The following CCDC177 variants were observed in gnomAD, a reference collection of about 807,000 sequenced individuals.
The protein encoded by CCDC177 is coiled-coil domain-containing protein 177.
Under a neutral mutation model 7.3 loss-of-function variants are expected in CCDC177, and 2 were observed. The ratio of observed to expected loss-of-function variants is 0.28; its 90% confidence interval spans 0.11 to 0.87. The LOEUF is 0.87. Among genes scored for constraint, CCDC177 ranks in the 40% least tolerant of loss-of-function variants. The pLI is 0.61. For missense variants in CCDC177, 874 were observed against 970.5 expected (o/e 0.90, Z 1.32); for synonymous variants, 401 against 449.2 (o/e 0.89, Z 1.36).
chr14:69,572,577 T>C lies in CCDC177; in HGVS notation c.1046A>G (p.His349Arg), dbSNP rs1000253961. Residue 349 changes from histidine (H) to arginine (R), a missense_variant, in exon 2 of 2, where the codon CAC becomes CGC. Coordinates refer to ENST00000599174, the MANE Select transcript of CCDC177 (RefSeq NM_001271507.2). ...CTCCAGCAGCAGGAGCTCCTCCTGG[T>C]GCCGCGCCAGCATGAGCGCCGCGAT... ...RKIAALMLAR[H>R]QEELLLLEQR... 2.4e-6 allele frequency: 3 copies of C among 1,231,154 alleles called. No individual in the cohort carries two copies. The highest frequency in any genetic ancestry group is 3.0e-6 in the Non-Finnish European group (3 of 987,554). 76.3% of individuals were successfully genotyped at this position (1,231,154 alleles called of 1,614,324 possible). A position where few individuals can be genotyped will look rare whatever the true frequency, so the allele number is the denominator to read the frequency against.
In CCDC177 at chr14:69,572,607, C is replaced by G; in HGVS notation, c.1016G>C (p.Arg339Pro). ...CGCCAGCATGAGCGCCGCGATCTTCCGGTCACGCTCCGGCACCCCGCGCAG... is the reference window on the plus strand; with the variant it reads ...CGCCAGCATGAGCGCCGCGATCTTCGGGTCACGCTCCGGCACCCCGCGCAG... The part of the protein sequence containing the change: ...RGLRGVPERD[R>P]KIAALMLARH... The change falls in exon 2 of 2, where the codon CGG becomes CCG. Residue 339 changes from arginine to proline, a missense_variant. Physicochemically the swap from Arg to Pro is moderately radical, Grantham distance 103 (BLOSUM62 -2). Transcript: ENST00000599174. The G allele has an allele frequency of 4.1e-6, 5 of 1,231,256 alleles. No homozygotes were observed. The highest frequency in any genetic ancestry group is 5.1e-6 in the Non-Finnish European group (5 of 987,618). 76.3% of individuals were successfully genotyped at this position (1,231,256 alleles called of 1,614,324 possible). A position where few individuals can be genotyped will look rare whatever the true frequency, so the allele number is the denominator to read the frequency against.
In CCDC177 at chr14:69,570,127, A is replaced by G. The variant is rs1332459208; in HGVS notation, c.*1372T>C. On this transcript the variant is annotated 3_prime_UTR_variant, in exon 2 of 2. Transcript: ENST00000599174. ...CTGTCCACGAGGCACTGCCCTTTCC[A>G]ACACTAGGGAGCCATATTCCCAGAA... 1 of 152,830 alleles carries G rather than the reference A, an allele frequency of 6.5e-6. No homozygotes were observed. The highest frequency in any genetic ancestry group is 1.5e-5 in the Non-Finnish European group (1 of 68,524). 9.5% of individuals were successfully genotyped at this position (152,830 alleles called of 1,614,324 possible). A position where few individuals can be genotyped will look rare whatever the true frequency, so the allele number is the denominator to read the frequency against.
Position 69,572,896 on chromosome 14 carries a change from C to T in CCDC177, c.727G>A (p.Ala243Thr), listed in dbSNP as rs1004160214. 13 of 1,230,852 alleles carry T rather than the reference C, an allele frequency of 1.1e-5. No homozygotes were observed. The highest frequency in any genetic ancestry group is 7.8e-5 in the African/African-American group (5 of 64,400). 76.2% of individuals were successfully genotyped at this position (1,230,852 alleles called of 1,614,324 possible). A position where few individuals can be genotyped will look rare whatever the true frequency, so the allele number is the denominator to read the frequency against. The change falls in exon 2 of 2, where the codon GCC (alanine) becomes ACC (threonine). Residue 243 changes from alanine to threonine, a missense_variant. By Grantham distance (58) the Ala-to-Thr change is moderately conservative. Transcript: ENST00000599174. The part of the protein sequence containing the change: ...LDSLSRRREG[A>T]LSSESGASSS... ...GATGCGCCCGACTCGGAGCTGAGGG[C>T]GCCCTCACGCCGGCGGGACAGTGAG...
Position 69,572,980 on chromosome 14 carries a change from C to T in CCDC177, c.643G>A (p.Ala215Thr), listed in dbSNP as rs1595012785. 7.3e-6 allele frequency: 9 copies of T among 1,230,722 alleles called. No individual in the cohort carries two copies. Among genetic ancestry groups the T allele is most frequent in the African/African-American group, 6.2e-5 (4 of 64,446 alleles). 76.2% of individuals were successfully genotyped at this position (1,230,722 alleles called of 1,614,324 possible). A position where few individuals can be genotyped will look rare whatever the true frequency, so the allele number is the denominator to read the frequency against. ...CCCGCTGGCGGAGGTTGGGTCCGGG[C>T]GGAGGAGGGACTAGGGGAAGCCTTG... ...ARKASPSPSS[A>T]RTQPPPAGSR... Residue 215 changes from alanine (A) to threonine (T), a missense_variant, in exon 2 of 2, where the codon GCC (alanine) becomes ACC (threonine). Transcript: ENST00000599174.
chr14:69,571,588 G>GC lies in CCDC177; in HGVS notation c.2034dup (p.Arg679AlafsTer2). The GC allele has an allele frequency of 8.1e-7, 1 of 1,235,126 alleles. No homozygotes were observed. Among genetic ancestry groups the GC allele is most frequent in the Non-Finnish European group, 1.0e-6 (1 of 989,980 alleles). The allele number at this position is 1,235,126 out of a possible 1,614,324, so 76.5% of individuals were successfully genotyped here. A position where few individuals can be genotyped will look rare whatever the true frequency, so the allele number is the denominator to read the frequency against. On this transcript the variant is annotated frameshift_variant, in exon 2 of 2. Transcript: ENST00000599174. LOFTEE classifies it high-confidence loss of function. ...TTGGTCTCCTCGCGCACCTTCTCAC[G>GC]CACGTGGAAGGAAGCCCGGGCTGTG...
Position 69,571,121 on chromosome 14 carries a change from C to A in CCDC177, c.*378G>T. The A allele has an allele frequency of 2.1e-6, 1 of 477,430 alleles. No homozygotes were observed. Among genetic ancestry groups the A allele is most frequent in the South Asian group, 1.7e-5 (1 of 57,404 alleles). 29.6% of individuals were successfully genotyped at this position (477,430 alleles called of 1,614,324 possible). ...ACCAATGTCGAACAGGTGCCTGGGG[C>A]AACTGCTGCAGAAGGGGTGGGGACA... On this transcript the variant is annotated 3_prime_UTR_variant, in exon 2 of 2. Coordinates refer to ENST00000599174, the MANE Select transcript of CCDC177 (RefSeq NM_001271507.2).
Position 69,570,647 on chromosome 14 carries a change from G to A in CCDC177, c.*852C>T, listed in dbSNP as rs1884302828. The A allele has an allele frequency of 2.7e-6, 1 of 367,114 alleles. No individual in the cohort carries two copies. The highest frequency in any genetic ancestry group is 3.7e-5 in the Admixed American group (1 of 26,950). The allele number at this position is 367,114 out of a possible 1,614,324, so 22.7% of individuals were successfully genotyped here. A position where few individuals can be genotyped will look rare whatever the true frequency, so the allele number is the denominator to read the frequency against. Reference sequence around the variant, plus strand: ...AAGGTAGCTCTGCTTCTTAAGGCATGACTGCTGTCTTCATGGAGTGGGCCC... The same window carrying A: ...AAGGTAGCTCTGCTTCTTAAGGCATAACTGCTGTCTTCATGGAGTGGGCCC... On this transcript the variant is annotated 3_prime_UTR_variant, in exon 2 of 2. Transcript: ENST00000599174.
Position 69,571,184 on chromosome 14 carries a change from TCCTGATCAG to T in CCDC177, c.*306_*314del. On this transcript the variant is annotated 3_prime_UTR_variant, in exon 2 of 2. Transcript: ENST00000599174. ...CTCTCCTGGGGGGCCCTCTCACCAG[TCCTGATCAG>T]CCCCTTTCCCCCAAGCTTCTCTATT... 1.9e-6 allele frequency: 1 copy of T among 523,300 alleles called. No homozygotes were observed. The highest frequency in any genetic ancestry group is 3.5e-5 in the East Asian group (1 of 28,352). 32.4% of individuals were successfully genotyped at this position (523,300 alleles called of 1,614,324 possible). A position where few individuals can be genotyped will look rare whatever the true frequency, so the allele number is the denominator to read the frequency against.
At position 69,570,317 on chromosome 14, in the gene CCDC177, T is replaced by C. The variant is rs1566577333; in HGVS notation, c.*1182A>G. 2 of 161,052 alleles carry C rather than the reference T, an allele frequency of 1.2e-5. No homozygotes were observed. Among genetic ancestry groups the C allele is most frequent in the Admixed American group, 1.2e-4 (2 of 17,330 alleles). The allele number at this position is 161,052 out of a possible 1,614,324, so 10.0% of individuals were successfully genotyped here. On this transcript the variant is annotated 3_prime_UTR_variant, in exon 2 of 2. Coordinates refer to ENST00000599174, the MANE Select transcript of CCDC177 (RefSeq NM_001271507.2). ...TCTGGCGAATGGGAAAGGTGAGGCA[T>C]TGAGAGGGTGAAATGCTTTCAGGCA...
chr14:69,571,093 G>A lies in CCDC177; in HGVS notation c.*406C>T. 1 of 475,102 alleles carries A rather than the reference G, an allele frequency of 2.1e-6. No individual in the cohort carries two copies. The highest frequency in any genetic ancestry group is 1.6e-5 in the South Asian group (1 of 62,950). The allele number at this position is 475,102 out of a possible 1,614,324, so 29.4% of individuals were successfully genotyped here. On this transcript the variant is annotated 3_prime_UTR_variant, in exon 2 of 2. Coordinates refer to ENST00000599174, the MANE Select transcript of CCDC177 (RefSeq NM_001271507.2). ...CCTCAGCAGTAGCAACACTGTCTCA[G>A]ACACCAATGTCGAACAGGTGCCTGG...
Position 69,569,934 on chromosome 14 carries a change from T to C in CCDC177, c.*1565A>G, listed in dbSNP as rs964432647. 4 of 152,194 alleles carry C rather than the reference T, an allele frequency of 2.6e-5. No individual in the cohort carries two copies. Among genetic ancestry groups the C allele is most frequent in the South Asian group, 4.1e-4 (2 of 4,826 alleles). 9.4% of individuals were successfully genotyped at this position (152,194 alleles called of 1,614,324 possible). ...AGTGATGTTTTACTTCCCACCTTCC[T>C]TGATGAAGGCAGAGTCAATGGGTGG... On this transcript the variant is annotated 3_prime_UTR_variant, in exon 2 of 2. Coordinates refer to ENST00000599174, the MANE Select transcript of CCDC177 (RefSeq NM_001271507.2).
rs1383480375 is a variant in CCDC177, at chr14:69,571,649, C to T, written c.1974G>A (p.Thr658=). The T allele has an allele frequency of 5.7e-6, 7 of 1,232,084 alleles. No individual in the cohort carries two copies. The highest frequency in any genetic ancestry group is 1.5e-5 in the African/African-American group (1 of 64,556). The allele number at this position is 1,232,084 out of a possible 1,614,324, so 76.3% of individuals were successfully genotyped here. A position where few individuals can be genotyped will look rare whatever the true frequency, so the allele number is the denominator to read the frequency against. Residue 658 remains threonine (T), a synonymous_variant, in exon 2 of 2, where the codon ACG becomes ACA. Coordinates refer to ENST00000599174, the MANE Select transcript of CCDC177 (RefSeq NM_001271507.2). ...TCTCCAGCGCACTGCGCCGTTCCCG[C>T]GTCAGCTGCTCGCTGCGCTCCAGCT... The part of the protein sequence containing the change: ...GRKLERSEQL[T]RERRSALESA...
At position 69,572,098 on chromosome 14, in the gene CCDC177, G is replaced by A. The variant is rs890518894; in HGVS notation, c.1525C>T (p.Arg509Trp). 194 of 1,230,468 alleles carry A rather than the reference G, an allele frequency of 1.6e-4. No individual in the cohort carries two copies. The highest frequency in any genetic ancestry group is 1.8e-4 in the Non-Finnish European group (178 of 987,168). The allele number at this position is 1,230,468 out of a possible 1,614,324, so 76.2% of individuals were successfully genotyped here. A position where few individuals can be genotyped will look rare whatever the true frequency, so the allele number is the denominator to read the frequency against. Reference sequence around the variant, plus strand: ...TGTAGCAGCGCCTCGTGGCGCGCCCGCTCGGCCCGGCTCAGCTCCCGCTTC... The same window carrying A: ...TGTAGCAGCGCCTCGTGGCGCGCCCACTCGGCCCGGCTCAGCTCCCGCTTC... ...REKRELSRAE[R>W]ARHEALLQGR... The change falls in exon 2 of 2, where the codon CGG (arginine) becomes TGG (tryptophan). Residue 509 changes from arginine (R) to tryptophan (W), a missense_variant. Physicochemically the swap from Arg to Trp is moderately radical, Grantham distance 101. Coordinates refer to ENST00000599174, the MANE Select transcript of CCDC177 (RefSeq NM_001271507.2).
At position 69,573,082 on chromosome 14, in the gene CCDC177, A is replaced by AGGCCGCGGCGGCGGCGGCGGCGGCGGC. The variant is rs1365454914; in HGVS notation, c.514_540dup (p.Ala172_Ala180dup). The AGGCCGCGGCGGCGGCGGCGGCGGCGGC allele has an allele frequency of 1.8e-6, 2 of 1,123,694 alleles. No homozygotes were observed. Among genetic ancestry groups the AGGCCGCGGCGGCGGCGGCGGCGGCGGC allele is most frequent in the Non-Finnish European group, 2.1e-6 (2 of 938,060 alleles). The allele number at this position is 1,123,694 out of a possible 1,614,324, so 69.6% of individuals were successfully genotyped here. ...CTGCTGCTGCCCGCGCTCGGGGCCGAGGCCGCGGCGGCGGCGGCGGCGGCG... is the reference window on the plus strand; with the variant it reads ...CTGCTGCTGCCCGCGCTCGGGGCCGAGGCCGCGGCGGCGGCGGCGGCGGCGGCGGCCGCGGCGGCGGCGGCGGCGGCG... On this transcript the variant is annotated inframe_insertion, in exon 2 of 2. Transcript: ENST00000599174.
At position 69,571,012 on chromosome 14, in the gene CCDC177, G is replaced by T. The variant is rs1417584271; in HGVS notation, c.*487C>A. On this transcript the variant is annotated 3_prime_UTR_variant, in exon 2 of 2. Coordinates refer to ENST00000599174, the MANE Select transcript of CCDC177 (RefSeq NM_001271507.2). Reference sequence around the variant, plus strand: ...AGCTGTGTTTCTCTGGGAGGCCTCCGCGATTTGTGCAGCTTGCCATATTTT... The same window carrying T: ...AGCTGTGTTTCTCTGGGAGGCCTCCTCGATTTGTGCAGCTTGCCATATTTT... 4 of 461,308 alleles carry T rather than the reference G, an allele frequency of 8.7e-6. No individual in the cohort carries two copies. Among genetic ancestry groups the T allele is most frequent in the Middle Eastern group, 3.2e-4 (1 of 3,086 alleles). 28.6% of individuals were successfully genotyped at this position (461,308 alleles called of 1,614,324 possible).
chr14:69,573,431 C>T lies in CCDC177; in HGVS notation c.192G>A (p.Gly64=), dbSNP rs1410457743. 1 of 1,231,452 alleles carries T rather than the reference C, an allele frequency of 8.1e-7. No individual in the cohort carries two copies. Among genetic ancestry groups the T allele is most frequent in the Non-Finnish European group, 1.0e-6 (1 of 987,784 alleles). 76.3% of individuals were successfully genotyped at this position (1,231,452 alleles called of 1,614,324 possible). ...AEVPCAAAEG[G]RREQSPLLHL... ...GCAGCAGCGGGGACTGCTCCCGCCG[C>T]CCGCCTTCTGCGGCTGCACATGGGA... is the stretch of plus-strand genomic sequence containing the variant. The change falls in exon 2 of 2, where the codon GGG becomes GGA. Residue 64 remains glycine, a synonymous_variant. Coordinates refer to ENST00000599174, the MANE Select transcript of CCDC177 (RefSeq NM_001271507.2).
Position 69,573,565 on chromosome 14 carries a change from C to A in CCDC177, c.58G>T (p.Gly20Trp), listed in dbSNP as rs1351411830. 1 of 1,231,742 alleles carries A rather than the reference C, an allele frequency of 8.1e-7. No individual in the cohort carries two copies. Among genetic ancestry groups the A allele is most frequent in the Non-Finnish European group, 1.0e-6 (1 of 988,046 alleles). The allele number at this position is 1,231,742 out of a possible 1,614,324, so 76.3% of individuals were successfully genotyped here. A position where few individuals can be genotyped will look rare whatever the true frequency, so the allele number is the denominator to read the frequency against. Residue 20 changes from glycine to tryptophan, a missense_variant, in exon 2 of 2, where the codon GGG becomes TGG. Transcript: ENST00000599174. ...KAGAEPGDSG[G>W]DEAVASVPPD... ...GGCACGGACGCCACGGCCTCGTCCCCTCCAGAGTCGCCGGGTTCCGCTCCT... is the reference window on the plus strand; with the variant it reads ...GGCACGGACGCCACGGCCTCGTCCCATCCAGAGTCGCCGGGTTCCGCTCCT...
rs914929525 is a variant in CCDC177, at chr14:69,574,669, C to A, written c.-156G>T. On this transcript the variant is annotated 5_prime_UTR_variant, in exon 1 of 2. An upstream start codon of the reference 5' UTR is lost. Transcript: ENST00000599174. ...CCGGCTGCAACCGTGAAAGGAGCCCCATCTGCCGCCGCCAGCGTCTCTCCA... is the reference window on the plus strand; with the variant it reads ...CCGGCTGCAACCGTGAAAGGAGCCCAATCTGCCGCCGCCAGCGTCTCTCCA... 1 of 152,214 alleles carries A rather than the reference C, an allele frequency of 6.6e-6. No individual in the cohort carries two copies. The highest frequency in any genetic ancestry group is 1.5e-5 in the Non-Finnish European group (1 of 68,052). 9.4% of individuals were successfully genotyped at this position (152,214 alleles called of 1,614,324 possible).
Position 69,572,730 on chromosome 14 carries a change from ATC to A in CCDC177, c.891_892del (p.Ile298HisfsTer40). ...GCCGAGGCTGAAGCTGCGGCCGGTGATCGGAACCAGGGTCAGGGCAGACGGGC... is the reference window on the plus strand; with the variant it reads ...GCCGAGGCTGAAGCTGCGGCCGGTGAGGAACCAGGGTCAGGGCAGACGGGC... On this transcript the variant is annotated frameshift_variant, in exon 2 of 2. Transcript: ENST00000599174. LOFTEE classifies it low-confidence loss of function (END_TRUNC). The A allele has an allele frequency of 8.1e-7, 1 of 1,231,516 alleles. No individual in the cohort carries two copies. Among genetic ancestry groups the A allele is most frequent in the East Asian group, 3.2e-5 (1 of 31,700 alleles). 76.3% of individuals were successfully genotyped at this position (1,231,516 alleles called of 1,614,324 possible). A position where few individuals can be genotyped will look rare whatever the true frequency, so the allele number is the denominator to read the frequency against.
Sources: allele counts gnomAD v4.1 joint callset, GRCh38; gene constraint gnomAD v4.1.1; transcripts MANE v1.5; gene names NCBI Gene and HGNC (gene_info 2026-07-23, HGNC 2026-07-21).